HEXB: variants seen among roughly 807,000 people sequenced by gnomAD.
The protein encoded by HEXB is beta-hexosaminidase subunit beta.
In HEXB, 51 loss-of-function variants were observed where a neutral mutation model predicts 71.2. The observed-to-expected ratio is 0.72, with a 90% confidence interval of 0.57 to 0.90. The LOEUF is 0.90. Ranked by LOEUF, HEXB falls within the 40% of genes least tolerant of loss-of-function variation. The pLI is 0.00. For synonymous variants in HEXB, 266 were observed against 249.3 expected, an observed-to-expected ratio of 1.07 and a Z score of -0.63; for missense variants, 617 against 677.0, an observed-to-expected ratio of 0.91 and a Z score of 0.98.
intron 1 of HEXB, among the ~76,000 whole-genome samples, chr5:74,655,007 G>A (rs76572802): frequency 0.031 from 4,661 of 152,204 alleles, 246 homozygotes; most frequent in African/African-American, 0.11. Context: ...ACCTGCGGAC[G>A]GATCTGGATC....
rs1749725565 is a variant in HEXB at position 74,718,327 on chromosome 5, C to T, written c.1206C>T (p.Ser402=). The change falls in exon 10 of 14, where the codon TCC becomes TCT. Residue 402 remains serine, a synonymous_variant. Transcript: ENST00000261416. ...LDIIATINKG[S]IVWQEVFDDK... ...TTATTGCAACCATAAACAAGGGATCCATTGTCTGGCAGGAGGTTTTTGATG... is the reference window on the plus strand; with the variant it reads ...TTATTGCAACCATAAACAAGGGATCTATTGTCTGGCAGGAGGTTTTTGATG... 1.2e-6 allele frequency: 2 copies of T among 1,611,974 alleles called. No homozygotes were observed. Among genetic ancestry groups the T allele is most frequent in the Non-Finnish European group, 1.7e-6 (2 of 1,178,278 alleles).
At chr5:74,701,657 A>G (rs561557023) in intron 5 of HEXB, among the ~76,000 whole-genome samples, 2 of 152,174 alleles carry the variant, frequency 1.3e-5, no homozygotes, top group African/African-American at 4.8e-5. Flanking sequence ...AAACTTAGGG[A>G]AAAGTTGTAA....
chr5:74,662,271 G>T (rs191944258), intron 1 of HEXB, among the ~76,000 whole-genome samples: 1 of 152,044 alleles, frequency 6.6e-6, no homozygotes, highest in Admixed American at 6.6e-5. Context: ...ATTTTCTCAG[G>T]ATATTCAGCT....
At chr5:74,656,964 G>T (rs897974459) in intron 1 of HEXB, among the ~76,000 whole-genome samples, 3 of 152,140 alleles carry the variant, frequency 2.0e-5, no homozygotes, top group African/African-American at 7.2e-5. Context: ...CCCCCTTGCT[G>T]CTGCTTCGTT....
At position 74,666,323 on chromosome 5, in the gene HEXB, G is replaced by A. The variant is rs113208877; in HGVS notation, c.-376-23005G>A. Among the ~76,000 whole-genome samples, 1,321 of 151,696 alleles carry A rather than the reference G, an allele frequency of 8.7e-3. 21 individuals carry two copies. The highest frequency in any genetic ancestry group is 0.029 in the African/African-American group (1,217 of 41,384). On this transcript the variant is annotated intron_variant, in intron 1 of 13. Coordinates refer to the HEXB transcript ENST00000511181. Reference sequence around the variant, plus strand: ...TTCATTTACAAAAATTGCCTCTTAGGCAAGCACTTAGTTGTCATTTCACAT... The same window carrying A: ...TTCATTTACAAAAATTGCCTCTTAGACAAGCACTTAGTTGTCATTTCACAT...
chr5:74,662,415 G>C (rs1580364924), intron 1 of HEXB, among the ~76,000 whole-genome samples: 1 of 152,282 alleles, frequency 6.6e-6, no homozygotes, highest in East Asian at 1.9e-4. Flanking sequence ...AATGAATTAT[G>C]CTACTAGAAA....
At chr5:74,685,150 A>T, upstream of HEXB, 4 of 1,222,622 alleles carry the variant, frequency 3.3e-6, no homozygotes, top group African/African-American at 1.6e-5. Flanking sequence ...GCGCGCAGTC[A>T]TCTGACTCGG....
intron 2 of HEXB, among the ~76,000 whole-genome samples, chr5:74,692,504 A>G (rs1749026193): frequency 6.6e-6 from 1 of 152,202 alleles, no homozygotes; most frequent in Admixed American, 6.5e-5. Flanking sequence ...AGAATTTGCT[A>G]TAGATGTAGA....
chr5:74,654,049 C>T (rs1038439920), intron 1 of HEXB, among the ~76,000 whole-genome samples: 1 of 152,074 alleles, frequency 6.6e-6, no homozygotes, highest in African/African-American at 2.4e-5. Flanking sequence ...GTGAGTCCTC[C>T]CGGCTCCATC....
At chr5:74,677,262 C>T (rs1748648505) in intron 1 of HEXB, among the ~76,000 whole-genome samples, 1 of 152,034 alleles carries the variant, frequency 6.6e-6, no homozygotes, top group African/African-American at 2.4e-5. Flanking sequence ...TAAACAATTG[C>T]CCCCAAGCAT....
intron 1 of HEXB, among the ~76,000 whole-genome samples, chr5:74,662,343 A>C (rs1471051023): frequency 1.3e-5 from 2 of 152,242 alleles, no homozygotes; most frequent in South Asian, 4.1e-4. Context: ...CTAATAATTG[A>C]AATGCTTCTT....
intron 1 of HEXB, among the ~76,000 whole-genome samples, chr5:74,650,644 A>T (rs1036991199): frequency 6.6e-6 from 1 of 152,088 alleles, no homozygotes; most frequent in Non-Finnish European, 1.5e-5. Flanking sequence ...ACTGCAGGCC[A>T]GGCGCGGTGG....
chr5:74,663,112 C>T (rs1243601722), intron 1 of HEXB, among the ~76,000 whole-genome samples: 5 of 151,946 alleles, frequency 3.3e-5, no homozygotes, highest in Admixed American at 6.6e-5. Context: ...GACCCAAGAA[C>T]GCATATGGGC....
Position 74,652,125 on chromosome 5 carries a change from G to A in HEXB, c.-377+11567G>A, listed in dbSNP as rs757454829. Among the ~76,000 whole-genome samples the A allele has an allele frequency of 4.6e-5, 7 of 152,142 alleles. No homozygotes were observed. Among genetic ancestry groups the A allele is most frequent in the African/African-American group, 7.2e-5 (3 of 41,414 alleles). On this transcript the variant is annotated intron_variant, in intron 1 of 13. Coordinates refer to the HEXB transcript ENST00000511181. This position sits in a 1 kb window ranked among gnomAD's most constrained non-coding sequence, Gnocchi z 5.4. ...AAATTAAAATGATGAACTCTTTTAC[G>A]TGAGTAGGTAATACATATGCATGGA...
intron 3 of HEXB, among the ~76,000 whole-genome samples, chr5:74,694,237 T>C (rs549593606): frequency 2.8e-4 from 42 of 152,216 alleles, no homozygotes; most frequent in Non-Finnish European, 4.0e-4. Flanking sequence ...GGTTATTACA[T>C]TCCTGCAGTG....
intron 1 of HEXB, among the ~76,000 whole-genome samples, chr5:74,675,708 C>T (rs1334486448): frequency 6.6e-6 from 1 of 152,126 alleles, no homozygotes; most frequent in African/African-American, 2.4e-5. Context: ...GGGAACAAGC[C>T]ATTGAAATGT....
In HEXB at chr5:74,641,990, C is replaced by G. The variant is rs1157734798; in HGVS notation, c.-377+1432C>G. 4.6e-5 allele frequency among the ~76,000 whole-genome samples: 7 copies of G among 152,204 alleles called. No individual in the cohort carries two copies. ...ATTCCGTCCCCGGGTCCCCGCGTCC[C>G]CAAGCGCCCGCGCTTCGCCTCCCAG... On this transcript the variant is annotated intron_variant, in intron 1 of 13. Transcript: ENST00000511181. The surrounding 1 kb of genome is among the most constrained non-coding windows in gnomAD (Gnocchi z 4.1).
intron 1 of HEXB, among the ~76,000 whole-genome samples, chr5:74,672,139 C>T (rs820844): frequency 0.34 from 50,993 of 152,006 alleles, 9,543 homozygotes; most frequent in South Asian, 0.45. Context: ...CCCTCTCTAG[C>T]GTCATGACTT....
chr5:74,709,141 C>T (rs1186779233), intron 6 of HEXB, among the ~76,000 whole-genome samples: 2 of 152,248 alleles, frequency 1.3e-5, no homozygotes, highest in African/African-American at 4.8e-5. Context: ...AAGGAACTCA[C>T]TCAAAACTGC....
Sources: gnomAD v4.1 joint callset for allele counts (sites outside exome capture counted in the v4.1 genomes callset) on GRCh38, gnomAD v4.1.1 for gene constraint, Gnocchi (gnomAD v3.1) non-coding constraint, MANE v1.5 for transcripts, NCBI Gene and HGNC (gene_info 2026-07-23, HGNC 2026-07-21) for gene names.